Variants in RPH3AL observed in about 807,000 individuals in gnomAD.
The protein encoded by RPH3AL is rabphilin 3A like (without C2 domains), also known as rab effector Noc2.
Under a neutral mutation model 43.1 loss-of-function variants are expected in RPH3AL, and 38 were observed. That is an observed-to-expected ratio of 0.88 (90% CI 0.68 to 1.15). The LOEUF is 1.15. Among genes scored for constraint, RPH3AL ranks in the 50% most tolerant of loss-of-function variants. RPH3AL has a pLI of 0.00. For missense variants in RPH3AL, 462 were observed against 423.2 expected, an observed-to-expected ratio of 1.09 and a Z score of -0.81; for synonymous variants, 189 against 176.3, an observed-to-expected ratio of 1.07 and a Z score of -0.57.
intron 7 of RPH3AL, among the ~76,000 whole-genome samples, chr17:243,018 AATACCTTCCT>A (rs1555537827): frequency 8.4e-6 from 1 of 118,994 alleles, no homozygotes; most frequent in Non-Finnish European, 1.8e-5. Flanking sequence ...TCCTCTATTG[AATACCTTCCT>A]CTATTGAATA....
intron 5 of RPH3AL, among the ~76,000 whole-genome samples, chr17:318,907 G>C (rs1006187907): frequency 5.3e-5 from 8 of 152,194 alleles, no homozygotes; most frequent in African/African-American, 1.9e-4. Flanking sequence ...CAGGAAGATA[G>C]GATTTAACTA....
chr17:274,224 G>A lies in RPH3AL; in HGVS notation c.438+7544C>T, dbSNP rs927683960. 4.6e-5 allele frequency among the ~76,000 whole-genome samples: 7 copies of A among 152,370 alleles called. No individual in the cohort carries two copies. Among genetic ancestry groups the A allele is most frequent in the African/African-American group, 9.6e-5 (4 of 41,594 alleles). On this transcript the variant is annotated intron_variant, in intron 6 of 9. Coordinates refer to ENST00000331302, the MANE Select transcript of RPH3AL (RefSeq NM_006987.4). The surrounding 1 kb of genome is among the most constrained non-coding windows in gnomAD (Gnocchi z 4.7). ...TGAAAGCACGTGGAAAAGGCACCGC[G>A]AAACCCCAGCCCGGGGCCTCTGACA...
At chr17:277,852 G>GTCCCA (rs1340592450) in intron 6 of RPH3AL, among the ~76,000 whole-genome samples, 4 of 152,124 alleles carry the variant, frequency 2.6e-5, no homozygotes, top group African/African-American at 9.7e-5. Context: ...CTATTCGGGA[G>GTCCCA]GCTGAGGGGG....
At chr17:314,979 T>G (rs1598088749) in intron 5 of RPH3AL, among the ~76,000 whole-genome samples, 6 of 141,074 alleles carry the variant, frequency 4.3e-5, no homozygotes, top group African/African-American at 1.4e-4. Context: ...CAGTAGTCCC[T>G]GTGCCCCACC....
At chr17:216,568 G>T (rs1363744997) in intron 8 of RPH3AL, among the ~76,000 whole-genome samples, 1 of 152,050 alleles carries the variant, frequency 6.6e-6, no homozygotes, top group Admixed American at 6.6e-5. Context: ...GCTGAGGGTG[G>T]GTGTGGAGCG....
intron 7 of RPH3AL, among the ~76,000 whole-genome samples, chr17:241,204 C>T (rs941734621): frequency 6.6e-6 from 1 of 152,066 alleles, no homozygotes; most frequent in Non-Finnish European, 1.5e-5. Context: ...GCCTGGACAA[C>T]ACAGTGAGGC....
At chr17:278,100 C>G (rs2042696766) in intron 6 of RPH3AL, among the ~76,000 whole-genome samples, 2 of 152,186 alleles carry the variant, frequency 1.3e-5, no homozygotes, top group Non-Finnish European at 2.9e-5. Context: ...TGAACTGCAG[C>G]TCCCATAATT....
At chr17:281,914 G>C in intron 5 of RPH3AL, 60 bp from the exon 6 acceptor site, 1 of 1,321,522 alleles carries the variant, frequency 7.6e-7, no homozygotes, top group East Asian at 2.3e-5. Flanking sequence ...CCGCCGAGGG[G>C]CTCAGACAAC....
At chr17:308,759 T>G (rs1033344565) in intron 5 of RPH3AL, among the ~76,000 whole-genome samples, 4 of 152,140 alleles carry the variant, frequency 2.6e-5, no homozygotes, top group Non-Finnish European at 4.4e-5. Flanking sequence ...AACATCCAGG[T>G]GAGGTCCTCG....
chr17:258,999 G>A (rs1555545422), intron 6 of RPH3AL, among the ~76,000 whole-genome samples: 1 of 152,160 alleles, frequency 6.6e-6, no homozygotes, highest in East Asian at 1.9e-4. Flanking sequence ...ATGCCCAGAA[G>A]GGGCAATAAT....
chr17:343,320 C>G (rs995112451), intron 1 of RPH3AL, among the ~76,000 whole-genome samples: 4 of 152,198 alleles, frequency 2.6e-5, no homozygotes, highest in Non-Finnish European at 4.4e-5. Context: ...CAAACCAAGT[C>G]AGAAAATGGG....
At chr17:321,738 G>GGGTTGGGATTGC in intron 3 of RPH3AL, 1 of 315,990 alleles carries the variant, frequency 3.2e-6, no homozygotes. Flanking sequence ...CCGTGTGCAG[G>GGGTTGGGATTGC]GGGCAAGGCA....
chr17:217,430 GTGCCAAAATTGGCCT>G (rs2040836335), intron 8 of RPH3AL, among the ~76,000 whole-genome samples: 4 of 35,296 alleles, frequency 1.1e-4, no homozygotes, highest in Non-Finnish European at 1.9e-4. Context: ...CCCTTCTTCT[GTGCCAAAATTGGCCT>G]CGCTGAAATC....
chr17:219,806 C>G lies in RPH3AL; in HGVS notation c.614-70G>C, dbSNP rs1035586020. On this transcript the variant is annotated intron_variant, in intron 7 of 9. Transcript: ENST00000331302. ...CTACCTGCAGGCATGGACGGAGGGA[C>G]GAGGGCAGGCCTCCCCAGCTCATTA... The G allele has an allele frequency of 3.5e-6, 4 of 1,153,310 alleles. No homozygotes were observed. The East Asian group carries it at 9.4e-5, about 27-fold the overall frequency. The allele number at this position is 1,153,310 out of a possible 1,614,324, so 71.4% of individuals were successfully genotyped here.
intron 5 of RPH3AL, among the ~76,000 whole-genome samples, chr17:316,755 CT>C (rs2044232762): frequency 7.6e-6 from 1 of 130,750 alleles, no homozygotes; most frequent in Non-Finnish European, 1.8e-5. Context: ...TGTGCCCCAC[CT>C]CCATTGACCT....
intron 6 of RPH3AL, among the ~76,000 whole-genome samples, chr17:251,625 G>A (rs1247173028): frequency 1.3e-5 from 2 of 152,238 alleles, no homozygotes; most frequent in African/African-American, 4.8e-5. Context: ...CCAGAGTGGA[G>A]AGGACTGCCT....
Position 245,162 on chromosome 17 carries a change from G to A in RPH3AL, c.613+1949C>T, listed in dbSNP as rs545749267. 2.7e-5 allele frequency among the ~76,000 whole-genome samples: 4 copies of A among 149,448 alleles called. 1 individual carries two copies. In the East Asian group the frequency reaches 8.1e-4, roughly 30 times the overall value. On this transcript the variant is annotated intron_variant, in intron 7 of 9. Transcript: ENST00000331302. The surrounding 1 kb of genome is among the most constrained non-coding windows in gnomAD (Gnocchi z 5.9). ...CCATGTGGATGTGTGTGTGCACATG[G>A]ATGTGTCTGTGTGTACGTGGATGTC...
At chr17:294,641 A>ATGG (rs2043129204) in intron 5 of RPH3AL, among the ~76,000 whole-genome samples, 1 of 51,494 alleles carries the variant, frequency 1.9e-5, no homozygotes, top group East Asian at 5.2e-4. Flanking sequence ...AGAAATGGAC[A>ATGG]GCAGAGGGAA....
At position 328,960 on chromosome 17, in the gene RPH3AL, T is replaced by G. The variant is rs2151710991; in HGVS notation, c.-36-1381A>C. ...ATCTAGAGAGACGGAAGGTGAGGAG[T>G]GGTTGTCAGGGGTTGCAGGAAGAGG... On this transcript the variant is annotated intron_variant, in intron 2 of 9. Coordinates refer to ENST00000331302, the MANE Select transcript of RPH3AL (RefSeq NM_006987.4). The surrounding 1 kb of genome is among the most constrained non-coding windows in gnomAD (Gnocchi z 4.2). 6.6e-6 allele frequency among the ~76,000 whole-genome samples: 1 copy of G among 151,330 alleles called. No individual in the cohort carries two copies. Among genetic ancestry groups the G allele is most frequent in the African/African-American group, 2.4e-5 (1 of 41,162 alleles).
Sources: gnomAD v4.1 joint callset for allele counts (sites outside exome capture counted in the v4.1 genomes callset) on GRCh38, gnomAD v4.1.1 for gene constraint, Gnocchi (gnomAD v3.1) non-coding constraint, MANE v1.5 for transcripts, NCBI Gene and HGNC (gene_info 2026-07-23, HGNC 2026-07-21) for gene names.